Variants in WT1 observed in about 807,000 individuals in gnomAD.
The protein encoded by WT1 is Wilms tumor protein.
A neutral mutation model predicts 60.8 loss-of-function variants in WT1; 8 were observed. That is an observed-to-expected ratio of 0.13 (90% CI 0.08 to 0.24). WT1 has a LOEUF of 0.24. WT1 is among the 10% of genes least tolerant of loss of function. WT1 has a pLI of 1.00. For synonymous variants in WT1, 312 were observed against 297.1 expected (o/e 1.05, Z -0.52); for missense variants, 568 against 711.8 (o/e 0.80, Z 2.30).
chr11:32,399,763 T>C (rs1349404082), intron 6 of WT1, among the ~76,000 whole-genome samples, 185 bp downstream of exon 6: 1 of 152,218 alleles, frequency 6.6e-6, no homozygotes, highest in Non-Finnish European at 1.5e-5. Flanking sequence ...GGGCAGCCTC[T>C]CTAGGAGAGG....
In WT1 at chr11:32,435,165, C is replaced by T. The variant is rs1590410967; in HGVS notation, c.196G>A (p.Ala66Thr). The stretch of plus-strand genomic sequence containing the variant: ...ATTTGCTGCGGCTCAGACCCGGACG[C>T]CCCGCGGCTCCTCCGGCCCTGGAGA... The change falls in exon 1 of 10, where the codon GCG becomes ACG. Residue 66 changes from alanine to threonine, a missense_variant. Physicochemically the swap from Ala to Thr is moderately conservative, Grantham distance 58. Around this residue, in one of 3 missense-constraint regions of WT1, gnomAD observed 523 missense variants for 565.1 expected, o/e 0.93. Coordinates refer to ENST00000452863, the MANE Select transcript of WT1 (RefSeq NM_024426.6). The T allele has an allele frequency of 7.9e-6, 12 of 1,521,226 alleles. No homozygotes were observed. Among genetic ancestry groups the T allele is most frequent in the Non-Finnish European group, 1.1e-5 (12 of 1,140,196 alleles). 94.2% of individuals were successfully genotyped at this position (1,521,226 alleles called of 1,614,324 possible).
chr11:32,421,282 T>TA (rs1230390854), intron 3 of WT1, among the ~76,000 whole-genome samples: 1 of 152,212 alleles, frequency 6.6e-6, no homozygotes, highest in Non-Finnish European at 1.5e-5. Context: ...ATGAAGCATC[T>TA]AATTACTCAA....
At chr11:32,422,907 G>C (rs530741406) in intron 3 of WT1, among the ~76,000 whole-genome samples, 38 of 152,336 alleles carry the variant, frequency 2.5e-4, no homozygotes, top group South Asian at 8.3e-4. Flanking sequence ...GAAAGGGCTA[G>C]AATGCCTAAA....
chr11:32,388,979 G>C lies in WT1; in HGVS notation c.*79C>G. ...CAACTGAAGTTTCCTTTTTAGTGAG[G>C]AGGAGTGGAGAGTCAGACTTGAAAG... On this transcript the variant is annotated 3_prime_UTR_variant, in exon 10 of 10. Coordinates refer to ENST00000452863, the MANE Select transcript of WT1 (RefSeq NM_024426.6). The C allele has an allele frequency of 6.2e-7, 1 of 1,607,308 alleles. No individual in the cohort carries two copies. The highest frequency in any genetic ancestry group is 8.5e-7 in the Non-Finnish European group (1 of 1,175,892).
In WT1 at chr11:32,407,287, G is replaced by C. The variant is rs534942591; in HGVS notation, c.1017-7243C>G. ...AAAAACAAAACACTTAACATTGCAAGAGTGGCTTCTTTAGAAATGATTAAC... is the reference window on the plus strand; with the variant it reads ...AAAAACAAAACACTTAACATTGCAACAGTGGCTTCTTTAGAAATGATTAAC... On this transcript the variant is annotated intron_variant, in intron 5 of 9. Transcript: ENST00000452863. Among the ~76,000 whole-genome samples the C allele has an allele frequency of 1.4e-4, 22 of 152,206 alleles. No homozygotes were observed. In the South Asian group the frequency reaches 1.5e-3, roughly 10 times the overall value.
rs755336626 is a variant in WT1, at chr11:32,434,691, C to T, written c.661+9G>A. On this transcript the variant is annotated intron_variant, in intron 1 of 9. Transcript: ENST00000452863. ...CCCGCGCGTAGGGGGCGCTCCCCGGCCTACTTACCCTGATTGCGAATAGCG... is the reference window on the plus strand; with the variant it reads ...CCCGCGCGTAGGGGGCGCTCCCCGGTCTACTTACCCTGATTGCGAATAGCG... The T allele has an allele frequency of 1.2e-6, 2 of 1,612,776 alleles. No individual in the cohort carries two copies. Among genetic ancestry groups the T allele is most frequent in the Non-Finnish European group, 1.7e-6 (2 of 1,179,934 alleles).
chr11:32,433,319 C>T (rs1853371347), intron 1 of WT1, among the ~76,000 whole-genome samples: 1 of 152,210 alleles, frequency 6.6e-6, no homozygotes, highest in Admixed American at 6.5e-5. Flanking sequence ...ACAGTGATCC[C>T]AGATTCTCCC....
rs1318822515 is a variant in WT1 at position 32,411,753 on chromosome 11, A to T, written c.1016+4737T>A. On this transcript the variant is annotated intron_variant, in intron 5 of 9. Coordinates refer to ENST00000452863, the MANE Select transcript of WT1 (RefSeq NM_024426.6). ...AGGAAAGAAGCTTCCGAATCAGTCC[A>T]CACTAAGTGAGAGGGACACAGAGCT... is the stretch of plus-strand genomic sequence containing the variant. Among the ~76,000 whole-genome samples, 3 of 152,346 alleles carry T rather than the reference A, an allele frequency of 2.0e-5. No individual in the cohort carries two copies. In the East Asian group the frequency reaches 5.8e-4, roughly 29 times the overall value.
chr11:32,398,410 A>C (rs1036911931), intron 6 of WT1, among the ~76,000 whole-genome samples: 5 of 152,212 alleles, frequency 3.3e-5, no homozygotes, highest in African/African-American at 1.2e-4. Flanking sequence ...GAGACTCTGC[A>C]GGGAAGGCAG....
At chr11:32,404,569 G>A (rs891999103) in intron 5 of WT1, among the ~76,000 whole-genome samples, 1 of 152,062 alleles carries the variant, frequency 6.6e-6, no homozygotes, top group East Asian at 1.9e-4. Flanking sequence ...ACCACTCTGT[G>A]CTAGAAGCCA....
chr11:32,413,704 A>T (rs1001079937), intron 5 of WT1, among the ~76,000 whole-genome samples: 1 of 152,238 alleles, frequency 6.6e-6, no homozygotes, highest in African/African-American at 2.4e-5. Flanking sequence ...ATGTCATAAG[A>T]GTATTGCTCA....
intron 5 of WT1, among the ~76,000 whole-genome samples, chr11:32,404,635 A>G (rs1481847393): frequency 1.3e-5 from 2 of 152,286 alleles, no homozygotes; most frequent in African/African-American, 4.8e-5. Flanking sequence ...TTATTGTTCA[A>G]CCAAGCACAA....
intron 9 of WT1, among the ~76,000 whole-genome samples, chr11:32,391,184 C>A (rs1189813163): frequency 6.6e-6 from 1 of 152,130 alleles, no homozygotes; most frequent in African/African-American, 2.4e-5. Flanking sequence ...AGGGTTTTGC[C>A]ATGTTGCCCA....
intron 1 of WT1, among the ~76,000 whole-genome samples, chr11:32,429,409 A>G (rs1853186513): frequency 7.1e-6 from 1 of 139,986 alleles, no homozygotes; most frequent in Non-Finnish European, 1.5e-5. Flanking sequence ...CTTTCCCTCC[A>G]TGGTAGTGCT....
chr11:32,428,565 T>C lies in WT1; in HGVS notation c.716A>G (p.His239Arg). The C allele has an allele frequency of 1.2e-6, 2 of 1,614,060 alleles. No homozygotes were observed. The highest frequency in any genetic ancestry group is 2.2e-5 in the South Asian group (2 of 91,082). The change falls in exon 2 of 10, where the codon CAC (histidine) becomes CGC (arginine). Residue 239 changes from histidine (H) to arginine (R), a missense_variant. Around this residue, in one of 3 missense-constraint regions of WT1, gnomAD observed 523 missense variants for 565.1 expected, o/e 0.93. Transcript: ENST00000452863. Reference sequence around the variant, plus strand: ...GTGGTTGGGGAACTGCGCCGCATGGTGCGAGGGCGTGTGACCGTAGCTGGG... The same window carrying C: ...GTGGTTGGGGAACTGCGCCGCATGGCGCGAGGGCGTGTGACCGTAGCTGGG...
intron 3 of WT1, 102 bp from the exon 4 acceptor site, chr11:32,417,756 C>A: frequency 1.0e-6 from 1 of 972,708 alleles, no homozygotes; most frequent in Non-Finnish European, 1.6e-6. Flanking sequence ...AAAGTGCAAG[C>A]CTCCACATTT....
At chr11:32,399,172 A>G (rs1305655117) in intron 6 of WT1, among the ~76,000 whole-genome samples, 1 of 150,876 alleles carries the variant, frequency 6.6e-6, no homozygotes, top group Non-Finnish European at 1.5e-5. Context: ...AAAAAAAAAG[A>G]AAAAGAAAAA....
chr11:32,389,020 G>A lies in WT1; in HGVS notation c.*38C>T, dbSNP rs1331603534. On this transcript the variant is annotated 3_prime_UTR_variant, in exon 10 of 10. Transcript: ENST00000452863. ...GACTTGAAAGCAGTTCACACACTGT[G>A]CTGCCTGGGACACTGAACGGTCCCC... 6.2e-7 allele frequency: 1 copy of A among 1,613,858 alleles called. No individual in the cohort carries two copies. The highest frequency in any genetic ancestry group is 1.3e-5 in the African/African-American group (1 of 74,942).
intron 3 of WT1, among the ~76,000 whole-genome samples, chr11:32,418,244 T>TAAAAAA (rs35515910): frequency 2.3e-5 from 3 of 129,634 alleles, no homozygotes; most frequent in Non-Finnish European, 4.8e-5. Context: ...CAAGTCAAAT[T>TAAAAAA]AAAAAAAAAA....
Sources: allele counts gnomAD v4.1 joint callset (sites outside exome capture counted in the v4.1 genomes callset), GRCh38; gene constraint gnomAD v4.1.1; regional missense constraint gnomAD v4.1.1; transcripts MANE v1.5; gene names NCBI Gene and HGNC (gene_info 2026-07-23, HGNC 2026-07-21).